Variants in SGCD observed in about 807,000 individuals in gnomAD.
SGCD encodes the protein delta-sarcoglycan.
SGCD carries 18 observed loss-of-function variants against 36.6 expected under a neutral mutation model. That is an observed-to-expected ratio of 0.49 (90% CI 0.34 to 0.73). SGCD has a LOEUF of 0.73. Among genes scored for constraint, SGCD ranks in the 30% least tolerant of loss-of-function variants. The pLI is 0.01. For missense variants in SGCD, 387 were observed against 346.7 expected (o/e 1.12, Z -0.92); for synonymous variants, 133 against 130.6 (o/e 1.02, Z -0.12).
rs764539028 is a variant in SGCD, at chr5:156,765,406, G to A, written c.*6016G>A. Reference sequence around the variant, plus strand: ...TCATGGGGTTCTAACATTTTGGGGGGCCATAGATTCTTTTGACAATCTGAG... The same window carrying A: ...TCATGGGGTTCTAACATTTTGGGGGACCATAGATTCTTTTGACAATCTGAG... On this transcript the variant is annotated 3_prime_UTR_variant, in exon 9 of 9. Coordinates refer to ENST00000337851, the MANE Select transcript of SGCD (RefSeq NM_000337.6). 1.3e-5 allele frequency: 2 copies of A among 152,016 alleles called. No individual in the cohort carries two copies. The highest frequency in any genetic ancestry group is 3.9e-4 in the East Asian group (2 of 5,180). 9.4% of individuals were successfully genotyped at this position (152,016 alleles called of 1,614,324 possible).
At chr5:156,202,780 A>G (rs1398140164) in intron 3 of SGCD, among the ~76,000 whole-genome samples, 6 of 151,030 alleles carry the variant, frequency 4.0e-5, no homozygotes, top group Non-Finnish European at 3.0e-5. Flanking sequence ...TTTCAATTAA[A>G]AAGACTGCAG....
chr5:156,215,089 T>A (rs1339124835), intron 3 of SGCD, among the ~76,000 whole-genome samples: 1 of 152,098 alleles, frequency 6.6e-6, no homozygotes, highest in Non-Finnish European at 1.5e-5. Flanking sequence ...GAAATGCTCA[T>A]TGGAATATTT....
intron 4 of SGCD, among the ~76,000 whole-genome samples, chr5:156,543,463 G>T (rs1197828403): frequency 6.6e-6 from 1 of 152,156 alleles, no homozygotes; most frequent in African/African-American, 2.4e-5. Flanking sequence ...GAGACCTCAG[G>T]CAGTATGTTG....
chr5:156,699,157 A>G (rs1173351772), intron 7 of SGCD, among the ~76,000 whole-genome samples: 1 of 152,216 alleles, frequency 6.6e-6, no homozygotes, highest in Admixed American at 6.6e-5. Flanking sequence ...CTTACTCAGC[A>G]GAGACACTTT....
At chr5:155,856,757 T>G in the SGCD span, among the ~76,000 whole-genome samples, 13 of 152,182 alleles carry the variant, frequency 8.5e-5, no homozygotes, top group Non-Finnish European at 1.9e-4. Flanking sequence ...CATGATTAAT[T>G]TAGTTCTTAG....
At position 156,695,138 on chromosome 5, in the gene SGCD, T is replaced by TGTTTGTG. The variant is rs1561861645; in HGVS notation, c.575+47602_575+47603insGTTTGTG. On this transcript the variant is annotated intron_variant, in intron 7 of 8. Transcript: ENST00000337851. ...TGTGTGTGTGTGTGTGTGTGTGTGT[T>TGTTTGTG]TGTGTGTGTGTGTGTGTGTGTTGGT... Among the ~76,000 whole-genome samples, 4 of 145,816 alleles carry TGTTTGTG rather than the reference T, an allele frequency of 2.7e-5. No homozygotes were observed. The South Asian group carries it at 8.7e-4, about 32-fold the overall frequency.
chr5:156,458,584 A>G, intron 3 of SGCD: 2 of 800,880 alleles, frequency 2.5e-6, no homozygotes, highest in Non-Finnish European at 4.2e-6. Context: ...ACCTTGATTA[A>G]CATCTCTAAA....
chr5:155,916,495 T>A (rs1291994918), intron 1 of SGCD, among the ~76,000 whole-genome samples: 1 of 152,206 alleles, frequency 6.6e-6, no homozygotes, highest in African/African-American at 2.4e-5. Context: ...TTGTTTTTGG[T>A]GTTTGATAAT....
intron 3 of SGCD, among the ~76,000 whole-genome samples, chr5:156,376,323 T>C (rs181236258): frequency 1.3e-5 from 2 of 152,348 alleles, no homozygotes; most frequent in Non-Finnish European, 2.9e-5. Context: ...GTCATTTACA[T>C]GTACATCTGT....
intron 3 of SGCD, among the ~76,000 whole-genome samples, chr5:156,145,864 G>A (rs1292820120): frequency 6.6e-6 from 1 of 152,078 alleles, no homozygotes; most frequent in East Asian, 1.9e-4. Flanking sequence ...CAAATAAAAA[G>A]CATAAGAAAA....
chr5:156,328,417 G>T (rs189694464), intron 1 of SGCD, among the ~76,000 whole-genome samples: 37 of 152,346 alleles, frequency 2.4e-4, no homozygotes, highest in African/African-American at 8.7e-4. Flanking sequence ...TTCTTGAGTA[G>T]CTGAAGAGTG....
chr5:156,209,317 C>A (rs1209668809), intron 3 of SGCD, among the ~76,000 whole-genome samples: 2 of 152,172 alleles, frequency 1.3e-5, no homozygotes, highest in East Asian at 3.9e-4. Context: ...GCTGCAACAC[C>A]AAGCTGGCTT....
At chr5:155,897,782 T>A (rs1435011596) in intron 1 of SGCD, among the ~76,000 whole-genome samples, 1 of 152,138 alleles carries the variant, frequency 6.6e-6, no homozygotes, top group Non-Finnish European at 1.5e-5. Flanking sequence ...TATAGGAAAT[T>A]TTTAGTTCTA....
At chr5:156,138,153 C>A (rs1414751827) in intron 3 of SGCD, among the ~76,000 whole-genome samples, 1 of 152,130 alleles carries the variant, frequency 6.6e-6, no homozygotes, top group Non-Finnish European at 1.5e-5. Flanking sequence ...GTAATCCCAG[C>A]ACTTTGGGAG....
intron 4 of SGCD, among the ~76,000 whole-genome samples, chr5:156,564,496 A>C (rs1237420564): frequency 6.6e-6 from 1 of 152,216 alleles, no homozygotes; most frequent in Non-Finnish European, 1.5e-5. Flanking sequence ...TGTAAATTAT[A>C]CATAATGTAA....
At chr5:156,281,850 T>G (rs955775213) in intron 3 of SGCD, among the ~76,000 whole-genome samples, 1 of 152,132 alleles carries the variant, frequency 6.6e-6, no homozygotes, top group African/African-American at 2.4e-5. Context: ...GATTTCCTCA[T>G]TACACCATAG....
chr5:156,283,691 C>A (rs1429014927), intron 3 of SGCD, among the ~76,000 whole-genome samples: 1 of 152,150 alleles, frequency 6.6e-6, no homozygotes, highest in Non-Finnish European at 1.5e-5. Context: ...AAATCACCTG[C>A]AAGACTTGCT....
At chr5:156,681,263 G>A (rs1021580366) in intron 7 of SGCD, among the ~76,000 whole-genome samples, 1 of 152,168 alleles carries the variant, frequency 6.6e-6, no homozygotes, top group Non-Finnish European at 1.5e-5. Flanking sequence ...GCTGGAAAGG[G>A]GATGGGAAGG....
intron 3 of SGCD, among the ~76,000 whole-genome samples, chr5:156,290,152 T>A (rs1393236486): frequency 6.6e-6 from 1 of 152,130 alleles, no homozygotes; most frequent in Non-Finnish European, 1.5e-5. Context: ...GGTCCTTTGA[T>A]CTTCCCAACT....
Sources: gnomAD v4.1 joint callset for allele counts (sites outside exome capture counted in the v4.1 genomes callset) on GRCh38, gnomAD v4.1.1 for gene constraint, MANE v1.5 for transcripts, NCBI Gene and HGNC (gene_info 2026-07-23, HGNC 2026-07-21) for gene names.